Variants in PARP14 observed in about 807,000 individuals in gnomAD.
PARP14 encodes the protein poly(ADP-ribose) polymerase family member 14, also known as protein mono-ADP-ribosyltransferase PARP14.
PARP14 carries 59 observed loss-of-function variants against 154.2 expected under a neutral mutation model. The observed-to-expected ratio is 0.38, with a 90% CI of 0.31 to 0.48. The LOEUF (loss-of-function observed/expected upper bound fraction) is 0.48. Ranked by LOEUF, PARP14 falls within the 20% of genes least tolerant of loss-of-function variation. The pLI is 0.98. For synonymous variants in PARP14, 720 were observed against 780.5 expected, an observed-to-expected ratio of 0.92 and a Z score of 1.29; for missense variants, 1,734 against 2,131.6, an observed-to-expected ratio of 0.81 and a Z score of 3.67.
chr3:122,699,803 G>A lies in PARP14; in HGVS notation c.1249G>A (p.Val417Met), dbSNP rs1938894347. 5.6e-6 allele frequency: 9 copies of A among 1,614,032 alleles called. No individual in the cohort carries two copies. The highest frequency in any genetic ancestry group is 7.6e-6 in the Non-Finnish European group (9 of 1,179,890). The part of the protein sequence containing the change: ...PTMWDTIKND[V>M]KDDRILIEFD... ...AATGTGGGACACCATAAAAAATGAT[G>A]TGAAAGATGACAGGATTTTGATTGA... The change falls in exon 6 of 17, where the codon GTG becomes ATG. Residue 417 changes from valine (V) to methionine (M), a missense_variant. Val to Met is a conservative substitution (Grantham distance 21). Coordinates refer to ENST00000474629, the MANE Select transcript of PARP14 (RefSeq NM_017554.3).
chr3:122,703,652 A>G (rs1939055715), intron 6 of PARP14, 90 bp from the exon 7 acceptor site: 3 of 697,376 alleles, frequency 4.3e-6, no homozygotes, highest in East Asian at 2.7e-5. Flanking sequence ...GTTGTCTCCA[A>G]TTGTGCCAAG....
At position 122,700,970 on chromosome 3, in the gene PARP14, G is replaced by A. The variant is rs1172414933; in HGVS notation, c.2416G>A (p.Val806Met). Residue 806 changes from valine to methionine, a missense_variant, in exon 6 of 17, where the codon GTG (valine) becomes ATG (methionine). By Grantham distance (21) the Val-to-Met change is conservative (BLOSUM62 1). Coordinates refer to ENST00000474629, the MANE Select transcript of PARP14 (RefSeq NM_017554.3). ...TVLAPGVVLI[V>M]QQGDLARLPV... ...CTTGGCCCCTGGCGTTGTGCTGATT[G>A]TGCAGCAGGGTGACTTGGCACGGCT... 1 of 1,613,988 alleles carries A rather than the reference G, an allele frequency of 6.2e-7. No homozygotes were observed. The highest frequency in any genetic ancestry group is 8.5e-7 in the Non-Finnish European group (1 of 1,179,886).
At position 122,713,431 on chromosome 3, in the gene PARP14, T is replaced by C; in HGVS notation, c.3627T>C (p.Tyr1209=). ...TACTTCTTTTCTTTTCAGGTTTTTA[T>C]GGGACTGTTTCTAGCCCTGATTCAG... ...IPKAKDTQGF[Y]GTVSSPDSGV... Residue 1209 remains tyrosine (Y), a synonymous_variant, in exon 10 of 17, where the codon TAT becomes TAC. Transcript: ENST00000474629. The C allele has an allele frequency of 6.2e-7, 1 of 1,607,590 alleles. No homozygotes were observed. Among genetic ancestry groups the C allele is most frequent in the Non-Finnish European group, 8.5e-7 (1 of 1,176,998 alleles).
At chr3:122,726,832 A>G (rs1933299390) in intron 15 of PARP14, among the ~76,000 whole-genome samples, 1 of 151,796 alleles carries the variant, frequency 6.6e-6, no homozygotes, top group South Asian at 2.1e-4. Context: ...GGTAAATGAA[A>G]TGAATGTAGG....
rs533868152 is a variant in PARP14, at chr3:122,716,073, T to C, written c.4000+1644T>C. On this transcript the variant is annotated intron_variant, in intron 12 of 16. Transcript: ENST00000474629. ...CCACCTGAGCTGGTTCTGAGACTGATAGATGTAGAAGCTTTCTCTTTTAGT... is the reference window on the plus strand; with the variant it reads ...CCACCTGAGCTGGTTCTGAGACTGACAGATGTAGAAGCTTTCTCTTTTAGT... Among the ~76,000 whole-genome samples, 6 of 152,284 alleles carry C rather than the reference T, an allele frequency of 3.9e-5. No individual in the cohort carries two copies. The East Asian group carries it at 7.7e-4, about 20-fold the overall frequency.
Position 122,728,812 on chromosome 3 carries a change from T to C in PARP14, c.*215T>C. The C allele has an allele frequency of 2.0e-6, 1 of 503,140 alleles. No individual in the cohort carries two copies. The highest frequency in any genetic ancestry group is 3.5e-5 in the East Asian group (1 of 28,276). The allele number at this position is 503,140 out of a possible 1,614,324, so 31.2% of individuals were successfully genotyped here. ...AATAACTTGGAAAATTTAAATGAGA[T>C]AATGCAGTTGCAACTGTGTGTCCAC... On this transcript the variant is annotated 3_prime_UTR_variant, in exon 17 of 17. Coordinates refer to ENST00000474629, the MANE Select transcript of PARP14 (RefSeq NM_017554.3).
chr3:122,712,329 C>T (rs937514908), intron 9 of PARP14, among the ~76,000 whole-genome samples: 2 of 151,754 alleles, frequency 1.3e-5, no homozygotes, highest in East Asian at 3.9e-4. Flanking sequence ...CTGCAACCTC[C>T]GCCTCCCGGG....
chr3:122,683,578 AC>A (rs1938281365), intron 1 of PARP14, among the ~76,000 whole-genome samples: 1 of 152,156 alleles, frequency 6.6e-6, no homozygotes, highest in South Asian at 2.1e-4. Flanking sequence ...TGTGGTAAGA[AC>A]CCATCTTCTC....
rs790107 is a variant in PARP14 at position 122,681,943 on chromosome 3, C to A, written c.187+873C>A. Among the ~76,000 whole-genome samples, 29,102 of 152,068 alleles carry A rather than the reference C, an allele frequency of 0.19. 3,653 individuals carry two copies. Among genetic ancestry groups the A allele is most frequent in the East Asian group, 0.48 (2,461 of 5,150 alleles). Reference sequence around the variant, plus strand: ...TGACCTATCGGGATCTAGTCAACCCCTAATTCCGCTTTCATGTCGCTAGAT... The same window carrying A: ...TGACCTATCGGGATCTAGTCAACCCATAATTCCGCTTTCATGTCGCTAGAT... On this transcript the variant is annotated intron_variant, in intron 1 of 16. Transcript: ENST00000474629. This position sits in a 1 kb window ranked among gnomAD's most constrained non-coding sequence, Gnocchi z 5.5.
intron 3 of PARP14, among the ~76,000 whole-genome samples, chr3:122,687,588 T>G (rs1433004671): frequency 6.6e-6 from 1 of 152,150 alleles, no homozygotes; most frequent in Admixed American, 6.5e-5. Context: ...TGGTGCAGGA[T>G]TGGATTGGAG....
At position 122,720,394 on chromosome 3, in the gene PARP14, C is replaced by G. The variant is rs750608071; in HGVS notation, c.4941+6C>G. On this transcript the variant is annotated splice_donor_region_variant and intron_variant, in intron 15 of 16. Transcript: ENST00000474629. ...CACACTTCAGAATAGAGAAGGTAAG[C>G]CTTCTGCTAGAATGCAGTTTCTGGA... is the stretch of plus-strand genomic sequence containing the variant. The G allele has an allele frequency of 6.2e-7, 1 of 1,612,050 alleles. No individual in the cohort carries two copies. Among genetic ancestry groups the G allele is most frequent in the South Asian group, 1.1e-5 (1 of 90,578 alleles).
rs751080961 is a variant in PARP14, at chr3:122,701,236, G to A, written c.2682G>A (p.Val894=). The A allele has an allele frequency of 2.4e-5, 39 of 1,613,538 alleles. No homozygotes were observed. The highest frequency in any genetic ancestry group is 1.7e-4 in the Admixed American group (10 of 59,904). Residue 894 remains valine, a synonymous_variant, in exon 6 of 17, where the codon GTG becomes GTA. Coordinates refer to ENST00000474629, the MANE Select transcript of PARP14 (RefSeq NM_017554.3). The surrounding 1 kb of genome is among the most constrained non-coding windows in gnomAD (Gnocchi z 4.0). The part of the protein sequence containing the change: ...RWSGYEAPRC[V]YLLRRAVQLS... ...GCGGATATGAGGCCCCGAGGTGTGT[G>A]TACCTATTAAGGAGAGCTGTGCAAC...
rs779355320 is a variant in PARP14 at position 122,701,560 on chromosome 3, A to T, written c.3006A>T (p.Ser1002=). The T allele has an allele frequency of 8.7e-6, 14 of 1,610,088 alleles. No homozygotes were observed. The highest frequency in any genetic ancestry group is 4.5e-5 in the East Asian group (2 of 44,794). The change falls in exon 6 of 17, where the codon TCA becomes TCT. Residue 1002 remains serine (S), a synonymous_variant. Coordinates refer to ENST00000474629, the MANE Select transcript of PARP14 (RefSeq NM_017554.3). This position sits in a 1 kb window ranked among gnomAD's most constrained non-coding sequence, Gnocchi z 4.0. The part of the protein sequence containing the change: ...PPAAAGPGKT[S]WEKGSLVSPG... ...CAGCAGCGGGGCCTGGGAAAACATC[A>T]TGGGAAAAAGGAAGCCTGGTGTCCC...
intron 15 of PARP14, among the ~76,000 whole-genome samples, chr3:122,723,285 T>C (rs1448754694): frequency 1.3e-5 from 2 of 152,204 alleles, no homozygotes; most frequent in Admixed American, 1.3e-4. Context: ...AAATCTCTTA[T>C]AACTCCCCCT....
chr3:122,690,219 A>G, intron 3 of PARP14, among the ~76,000 whole-genome samples: 1 of 152,166 alleles, frequency 6.6e-6, no homozygotes, highest in Non-Finnish European at 1.5e-5. Flanking sequence ...AGTCCAGTTC[A>G]CTTAGTCCTA....
intron 12 of PARP14, among the ~76,000 whole-genome samples, chr3:122,715,405 T>C (rs906438121): frequency 3.9e-5 from 6 of 152,214 alleles, no homozygotes; most frequent in Admixed American, 1.3e-4. Context: ...TGGGCCTTCT[T>C]CTAACCCTCT....
intron 15 of PARP14, chr3:122,722,096 G>A (rs1321844862): frequency 1.3e-5 from 2 of 152,176 alleles, no homozygotes; most frequent in Admixed American, 1.3e-4. Flanking sequence ...TGATAAGGAG[G>A]CTCACAGCTC....
chr3:122,688,013 G>A (rs771041109), intron 3 of PARP14, among the ~76,000 whole-genome samples: 5 of 152,174 alleles, frequency 3.3e-5, no homozygotes, highest in Non-Finnish European at 5.9e-5. Context: ...GTCTAATATC[G>A]ATGTCCTGTT....
At chr3:122,686,146 T>C (rs6438756) in intron 2 of PARP14, among the ~76,000 whole-genome samples, 95,610 of 152,102 alleles carry the variant, frequency 0.63, 31,713 homozygotes, top group African/African-American at 0.84. Context: ...GTTTTATTTG[T>C]ATTTGTTTTA....
Sources: gnomAD v4.1 joint callset for allele counts (sites outside exome capture counted in the v4.1 genomes callset) on GRCh38, gnomAD v4.1.1 for gene constraint, Gnocchi (gnomAD v3.1) non-coding constraint, MANE v1.5 for transcripts, NCBI Gene and HGNC (gene_info 2026-07-23, HGNC 2026-07-21) for gene names.